The following SCN3A variants were observed in gnomAD, a reference collection of about 807,000 sequenced individuals.
SCN3A encodes the protein sodium voltage-gated channel alpha subunit 3, also known as sodium channel protein type 3 subunit alpha.
A neutral mutation model predicts 187.6 loss-of-function variants in SCN3A; 60 were observed. The ratio of observed to expected loss-of-function variants is 0.32; its 90% confidence interval spans 0.26 to 0.40. The LOEUF is 0.40. Among genes scored for constraint, SCN3A ranks in the 10% least tolerant of loss-of-function variants. The probability of loss-of-function intolerance (pLI) is 1.00; values close to 1 mark genes in which losing one functional copy is unlikely to be tolerated. For synonymous variants in SCN3A, 788 were observed against 829.2 expected (o/e 0.95, Z 0.85); for missense variants, 1,601 against 2,428.2 (o/e 0.66, Z 7.16).
At position 165,140,202 on chromosome 2, in the gene SCN3A, A is replaced by G. The variant is rs1687920635; in HGVS notation, c.2019+449T>C. Among the ~76,000 whole-genome samples the G allele has an allele frequency of 6.6e-6, 1 of 152,218 alleles. No homozygotes were observed. The highest frequency in any genetic ancestry group is 2.4e-5 in the African/African-American group (1 of 41,454). The stretch of plus-strand genomic sequence containing the variant: ...GTCATTTTAAAATAGCACTGTAAAT[A>G]TTGACAGTTGTATGAAATTGCCCAT... On this transcript the variant is annotated intron_variant, in intron 13 of 27. Transcript: ENST00000283254. The surrounding 1 kb of genome is among the most constrained non-coding windows in gnomAD (Gnocchi z 4.2).
intron 2 of SCN3A, among the ~76,000 whole-genome samples, chr2:165,183,954 G>C (rs983771317): frequency 6.6e-6 from 1 of 152,046 alleles, no homozygotes; most frequent in Admixed American, 6.6e-5. Context: ...TACTGAGGAG[G>C]GATGCTGTAT....
At chr2:165,123,263 C>G (rs1246155910) in intron 18 of SCN3A, among the ~76,000 whole-genome samples, 5 of 152,020 alleles carry the variant, frequency 3.3e-5, no homozygotes. Context: ...TCCATACCAG[C>G]CTATTTATGT....
intron 1 of SCN3A, among the ~76,000 whole-genome samples, chr2:165,196,512 T>C (rs1691973096): frequency 6.6e-6 from 1 of 152,134 alleles, no homozygotes. Context: ...TAATCTTCTC[T>C]GAAGGACCTG....
intron 1 of SCN3A, among the ~76,000 whole-genome samples, chr2:165,198,093 A>G (rs1692078420): frequency 6.6e-6 from 1 of 152,008 alleles, no homozygotes. Context: ...AATAGTATTT[A>G]AAGAACAGAG....
In SCN3A at chr2:165,095,690, T is replaced by G. The variant is rs1231282105; in HGVS notation, c.4294-42A>C. 9 of 1,102,340 alleles carry G rather than the reference T, an allele frequency of 8.2e-6. No individual in the cohort carries two copies. In the Admixed American group the frequency reaches 1.6e-4, roughly 20 times the overall value. 68.3% of individuals were successfully genotyped at this position (1,102,340 alleles called of 1,614,324 possible). On this transcript the variant is annotated intron_variant, in intron 24 of 27. Coordinates refer to ENST00000283254, the MANE Select transcript of SCN3A (RefSeq NM_006922.4). ...ATATTAAATAATATGAAAAATACTA[T>G]AAATACTTACACTAAATCAGTAATT... is the stretch of plus-strand genomic sequence containing the variant.
At chr2:165,107,847 T>A (rs893883681) in intron 21 of SCN3A, among the ~76,000 whole-genome samples, 2 of 152,192 alleles carry the variant, frequency 1.3e-5, no homozygotes, top group African/African-American at 4.8e-5. Flanking sequence ...GTTAAAAAGA[T>A]TAATAAATAC....
chr2:165,196,468 A>G (rs1691967316), intron 1 of SCN3A, among the ~76,000 whole-genome samples: 1 of 152,074 alleles, frequency 6.6e-6, no homozygotes, highest in Non-Finnish European at 1.5e-5. Flanking sequence ...ACTAATACTA[A>G]ATGATGATCC....
At position 165,100,377 on chromosome 2, in the gene SCN3A, G is replaced by A. The variant is rs758226914; in HGVS notation, c.3891C>T (p.Leu1297=). The change falls in exon 22 of 28, where the codon CTC becomes CTT. Residue 1297 remains leucine (L), a synonymous_variant. Transcript: ENST00000283254. ...LVANALGYSE[L]GAIKSLRTLR... is the part of the protein sequence containing the mutation. Reference sequence around the variant, plus strand: ...ATGTCCGTAATGATTTGATGGCACCGAGTTCTGAGTAGCCAAGAGCATTGG... The same window carrying A: ...ATGTCCGTAATGATTTGATGGCACCAAGTTCTGAGTAGCCAAGAGCATTGG... The A allele has an allele frequency of 1.9e-5, 31 of 1,613,640 alleles. No homozygotes were observed. Among genetic ancestry groups the A allele is most frequent in the Non-Finnish European group, 1.9e-5 (23 of 1,179,828 alleles).
intron 23 of SCN3A, 98 bp downstream of exon 23, chr2:165,097,154 C>T: frequency 3.0e-6 from 4 of 1,354,070 alleles, no homozygotes; most frequent in African/African-American, 1.5e-5. Context: ...TTTTTTCATG[C>T]TGTCAAATGT....
At chr2:165,190,611 T>C (rs928489933) in intron 1 of SCN3A, among the ~76,000 whole-genome samples, 3 of 147,428 alleles carry the variant, frequency 2.0e-5, no homozygotes, top group Non-Finnish European at 4.5e-5. Flanking sequence ...TTTATATATA[T>C]ATATATAAAA....
intron 2 of SCN3A, among the ~76,000 whole-genome samples, chr2:165,181,552 G>T (rs1474132582): frequency 6.6e-6 from 1 of 152,138 alleles, no homozygotes; most frequent in Non-Finnish European, 1.5e-5. Flanking sequence ...GCTCCCAGTG[G>T]CAGGTAAAAG....
intron 1 of SCN3A, among the ~76,000 whole-genome samples, chr2:165,203,352 C>A (rs1324603758): frequency 6.6e-6 from 1 of 151,834 alleles, no homozygotes; most frequent in Non-Finnish European, 1.5e-5. Context: ...AAGCCAAACA[C>A]CTCTATATTG....
chr2:165,117,913 T>C (rs980340648), intron 18 of SCN3A, among the ~76,000 whole-genome samples: 6 of 152,218 alleles, frequency 3.9e-5, no homozygotes, highest in African/African-American at 1.4e-4. Context: ...GTGAGATGTT[T>C]AATTTTTCAC....
rs1392562869 is a variant in SCN3A at position 165,140,409 on chromosome 2, G to A, written c.2019+242C>T. On this transcript the variant is annotated intron_variant, in intron 13 of 27. Transcript: ENST00000283254. This position sits in a 1 kb window ranked among gnomAD's most constrained non-coding sequence, Gnocchi z 4.2. Reference sequence around the variant, plus strand: ...GTATTTCATAGCAGACTCTAAAAACGGGGCCCTTTTAACCTAAAGCCATGG... The same window carrying A: ...GTATTTCATAGCAGACTCTAAAAACAGGGCCCTTTTAACCTAAAGCCATGG... Among the ~76,000 whole-genome samples the A allele has an allele frequency of 6.6e-6, 1 of 151,694 alleles. No homozygotes were observed. The highest frequency in any genetic ancestry group is 2.4e-5 in the African/African-American group (1 of 41,284).
Position 165,090,578 on chromosome 2 carries a change from G to T in SCN3A, c.5575C>A (p.Arg1859Ser), listed in dbSNP as rs1456102855. 1 of 1,613,976 alleles carries T rather than the reference G, an allele frequency of 6.2e-7. No individual in the cohort carries two copies. Among genetic ancestry groups the T allele is most frequent in the Admixed American group, 1.7e-5 (1 of 59,978 alleles). Residue 1859 changes from arginine to serine, a missense_variant, in exon 28 of 28, where the codon CGT (arginine) becomes AGT (serine). Transcript: ENST00000283254. The surrounding 1 kb of genome is among the most constrained non-coding windows in gnomAD (Gnocchi z 4.0). The part of the protein sequence containing the change: ...CLDILFAFTK[R>S]VLGESGEMDA... ...ATCTCTCCACTCTCACCCAAAACAC[G>T]CTTTGTAAAGGCAAATAAAATATCA...
In SCN3A at chr2:165,140,678, C is replaced by T. The variant is rs141705791; in HGVS notation, c.1992G>A (p.Thr664=). The change falls in exon 13 of 28, where the codon ACG becomes ACA. Residue 664 remains threonine (T), a synonymous_variant. Coordinates refer to ENST00000283254, the MANE Select transcript of SCN3A (RefSeq NM_006922.4). This position sits in a 1 kb window ranked among gnomAD's most constrained non-coding sequence, Gnocchi z 4.2. ...CTGGGGGAAGTTGTCCAGTAGGTGA[C>T]GTTAGAGCTGAAGGTCCACCCACCA... is the stretch of plus-strand genomic sequence containing the variant. The part of the protein sequence containing the change: ...VSLVGGPSAL[T]SPTGQLPPEG... The T allele has an allele frequency of 7.6e-5, 122 of 1,613,946 alleles. No homozygotes were observed. The highest frequency in any genetic ancestry group is 8.9e-5 in the Non-Finnish European group (105 of 1,179,972).
rs560117167 is a variant in SCN3A at position 165,127,190 on chromosome 2, C to G, written c.3393+441G>C. The stretch of plus-strand genomic sequence containing the variant: ...CCTCCCACCTCAGCCTCCTTTGTAG[C>G]TGGGACTACAGGCATGTGCCACCAT... On this transcript the variant is annotated intron_variant, in intron 18 of 27. Coordinates refer to ENST00000283254, the MANE Select transcript of SCN3A (RefSeq NM_006922.4). Among the ~76,000 whole-genome samples, 386 of 152,188 alleles carry G rather than the reference C, an allele frequency of 2.5e-3. 2 individuals are homozygous for G. Among genetic ancestry groups the G allele is most frequent in the African/African-American group, 8.5e-3 (351 of 41,528 alleles).
At chr2:165,115,382 T>C (rs1686318882) in intron 19 of SCN3A, 73 bp downstream of exon 19, 26 of 1,600,076 alleles carry the variant, frequency 1.6e-5, no homozygotes, top group East Asian at 2.2e-5. Flanking sequence ...AATTTTTTTT[T>C]TTAAATGAGG....
intron 2 of SCN3A, among the ~76,000 whole-genome samples, chr2:165,179,945 A>AAT (rs1182003657): frequency 1.3e-5 from 2 of 152,030 alleles, no homozygotes; most frequent in Non-Finnish European, 2.9e-5. Flanking sequence ...CTTGGTGTGG[A>AAT]ATATATATAT....
Sources: allele counts gnomAD v4.1 joint callset (sites outside exome capture counted in the v4.1 genomes callset), GRCh38; gene constraint gnomAD v4.1.1; non-coding constraint Gnocchi (gnomAD v3.1); transcripts MANE v1.5; gene names NCBI Gene and HGNC (gene_info 2026-07-23, HGNC 2026-07-21).